The following SUGCT variants were observed in gnomAD, a reference collection of about 807,000 sequenced individuals.
SUGCT encodes succinyl-CoA:glutarate CoA-transferase.
A neutral mutation model predicts 55.0 loss-of-function variants in SUGCT; 41 were observed. The observed-to-expected ratio is 0.74, with a 90% CI of 0.58 to 0.97. The LOEUF (loss-of-function observed/expected upper bound fraction) is 0.97, where lower values mean the gene tolerates loss of function less well. Among genes scored for constraint, SUGCT ranks in the 50% least tolerant of loss-of-function variants. The probability of loss-of-function intolerance (pLI) is 0.00; values close to 1 mark genes in which losing one functional copy is unlikely to be tolerated. For synonymous variants in SUGCT, 187 were observed against 200.4 expected (o/e 0.93, Z 0.56); for missense variants, 568 against 547.8 (o/e 1.04, Z -0.37).
intron 13 of SUGCT, among the ~76,000 whole-genome samples, chr7:40,813,000 T>C (rs1791499222): frequency 6.6e-6 from 1 of 152,160 alleles, no homozygotes; most frequent in Admixed American, 6.5e-5. Flanking sequence ...GGGCAAGTTC[T>C]TTCATTTGCC....
intron 12 of SUGCT, among the ~76,000 whole-genome samples, chr7:40,579,323 T>C (rs1003982215): frequency 6.6e-6 from 1 of 152,166 alleles, no homozygotes; most frequent in African/African-American, 2.4e-5. Flanking sequence ...ATTTCAACCC[T>C]GCCTTATGAC....
At chr7:40,377,632 T>TTC (rs1562729664) in intron 9 of SUGCT, among the ~76,000 whole-genome samples, 1 of 152,160 alleles carries the variant, frequency 6.6e-6, no homozygotes. Flanking sequence ...ACAAAAGAGT[T>TTC]ACAAACGGAA....
intron 8 of SUGCT, among the ~76,000 whole-genome samples, chr7:40,298,207 G>T (rs1238625606): frequency 6.6e-6 from 1 of 150,964 alleles, no homozygotes; most frequent in Non-Finnish European, 1.5e-5. Flanking sequence ...AAAAAAAAAA[G>T]ATCAGTCACC....
chr7:40,857,576 A>G (rs1006822329), intron 13 of SUGCT, among the ~76,000 whole-genome samples: 3 of 152,088 alleles, frequency 2.0e-5, no homozygotes, highest in Non-Finnish European at 2.9e-5. Flanking sequence ...TATGGCATAC[A>G]GTGGGAGGAA....
rs147782464 is a variant in SUGCT at position 40,619,923 on chromosome 7, C to G, written c.1089+123537C>G. 1.4e-3 allele frequency among the ~76,000 whole-genome samples: 213 copies of G among 152,308 alleles called. 1 individual carries two copies. Among genetic ancestry groups the G allele is most frequent in the Non-Finnish European group, 2.1e-3 (141 of 68,028 alleles). ...AGTTTTCACTTTGACTCTGACTTCA[C>G]ACAGCAACAGGATAACTTAGTGGCT... On this transcript the variant is annotated intron_variant, in intron 12 of 13. Transcript: ENST00000335693.
the SUGCT span, among the ~76,000 whole-genome samples, chr7:40,902,809 C>G: frequency 6.6e-6 from 1 of 152,122 alleles, no homozygotes; most frequent in African/African-American, 2.4e-5. Context: ...GCATCCAGTT[C>G]TGCTCTGGCC....
chr7:40,646,721 A>G (rs958762982), intron 12 of SUGCT, among the ~76,000 whole-genome samples: 3 of 151,980 alleles, frequency 2.0e-5, no homozygotes, highest in African/African-American at 7.3e-5. Flanking sequence ...TACCCAATCT[A>G]ACCAGGTCAC....
At chr7:40,704,764 G>A (rs1785318550) in intron 12 of SUGCT, among the ~76,000 whole-genome samples, 1 of 152,148 alleles carries the variant, frequency 6.6e-6, no homozygotes, top group Non-Finnish European at 1.5e-5. Context: ...CTCTTCTAAG[G>A]GCTTTACGTT....
intron 13 of SUGCT, among the ~76,000 whole-genome samples, chr7:40,855,034 A>G (rs1487908672): frequency 6.6e-6 from 1 of 152,042 alleles, no homozygotes; most frequent in Admixed American, 6.5e-5. Context: ...TTAAAAAAAA[A>G]AAAAAGACTA....
chr7:40,391,826 C>T (rs1785448550), intron 9 of SUGCT, among the ~76,000 whole-genome samples: 1 of 152,166 alleles, frequency 6.6e-6, no homozygotes, highest in Admixed American at 6.5e-5. Flanking sequence ...TGTAAAGACA[C>T]ATGCACACGT....
At chr7:40,492,208 G>A (rs1341498130) in intron 11 of SUGCT, among the ~76,000 whole-genome samples, 2 of 152,084 alleles carry the variant, frequency 1.3e-5, no homozygotes, top group African/African-American at 4.8e-5. Context: ...TCAGAGGCTC[G>A]GGAGTGATGG....
At chr7:40,405,810 A>T (rs1033846714) in intron 9 of SUGCT, among the ~76,000 whole-genome samples, 2 of 2,516 alleles carry the variant, frequency 7.9e-4, no homozygotes, top group East Asian at 0.12. Context: ...ACTCTGTCTA[A>T]AAAAAAAAAA....
At chr7:40,852,629 G>T (rs17714523) in intron 13 of SUGCT, among the ~76,000 whole-genome samples, 3,968 of 142,158 alleles carry the variant, frequency 0.028, 177 homozygotes, top group East Asian at 0.11. Context: ...TCAATTCCTT[G>T]AACATCAGTC....
chr7:41,025,737 T>C, the SUGCT span, among the ~76,000 whole-genome samples: 1 of 152,056 alleles, frequency 6.6e-6, no homozygotes, highest in African/African-American at 2.4e-5. Context: ...GAGTTATGAA[T>C]AAAGGTGAAA....
intron 6 of SUGCT, 50 bp downstream of exon 6, chr7:40,195,110 G>A (rs1276504616): frequency 1.4e-6 from 2 of 1,414,812 alleles, no homozygotes; most frequent in Non-Finnish European, 1.9e-6. Flanking sequence ...CAGTTTCTGT[G>A]TTTTCTTATT....
At chr7:40,349,940 G>A (rs1165216751) in intron 9 of SUGCT, among the ~76,000 whole-genome samples, 2 of 152,002 alleles carry the variant, frequency 1.3e-5, no homozygotes, top group African/African-American at 4.8e-5. Context: ...CTCCTGCCTC[G>A]GCTTCCCAAA....
chr7:40,150,539 G>A (rs1375833552), intron 1 of SUGCT, among the ~76,000 whole-genome samples: 1 of 152,204 alleles, frequency 6.6e-6, no homozygotes, highest in East Asian at 1.9e-4. Flanking sequence ...GGGCGAGGTG[G>A]TGGGCACCTG....
At chr7:40,888,489 C>G in the SUGCT span, among the ~76,000 whole-genome samples, 1 of 151,586 alleles carries the variant, frequency 6.6e-6, no homozygotes, top group African/African-American at 2.4e-5. Context: ...AGAGATAAAC[C>G]CAAGATCAGG....
At chr7:40,440,168 T>G (rs1266669925) in intron 9 of SUGCT, among the ~76,000 whole-genome samples, 6 of 141,154 alleles carry the variant, frequency 4.3e-5, no homozygotes, top group Non-Finnish European at 9.1e-5. Flanking sequence ...TTTTTTTTTT[T>G]TTTTTTTTTA....
Sources: gnomAD v4.1 joint callset for allele counts (sites outside exome capture counted in the v4.1 genomes callset) on GRCh38, gnomAD v4.1.1 for gene constraint, MANE v1.5 for transcripts, NCBI Gene and HGNC (gene_info 2026-07-23, HGNC 2026-07-21) for gene names.